Variants in MPHOSPH9 observed in about 807,000 individuals in gnomAD.
MPHOSPH9 encodes M-phase phosphoprotein 9.
Under a neutral mutation model 145.5 loss-of-function variants are expected in MPHOSPH9, and 88 were observed. The ratio of observed to expected loss-of-function variants is 0.60; its 90% CI spans 0.51 to 0.72. MPHOSPH9 has a LOEUF of 0.72. Ranked by LOEUF, MPHOSPH9 falls within the 30% of genes least tolerant of loss-of-function variation. MPHOSPH9 has a pLI of 0.00. For synonymous variants in MPHOSPH9, 435 were observed against 486.2 expected (o/e 0.89, Z 1.39); for missense variants, 1,238 against 1,386.6 (o/e 0.89, Z 1.70).
chr12:123,199,009 T>C (rs1399920821), intron 11 of MPHOSPH9, among the ~76,000 whole-genome samples: 1 of 151,798 alleles, frequency 6.6e-6, no homozygotes, highest in Non-Finnish European at 1.5e-5. Flanking sequence ...GATTTACTTT[T>C]TTCTTTCTTT....
At chr12:123,183,547 C>CAAAAAAAAA (rs746928699) in intron 13 of MPHOSPH9, among the ~76,000 whole-genome samples, 96 of 59,536 alleles carry the variant, frequency 1.6e-3, no homozygotes, top group Non-Finnish European at 2.2e-3. Flanking sequence ...GACTCTGTCT[C>CAAAAAAAAA]AAAAAAAAAA....
intron 13 of MPHOSPH9, among the ~76,000 whole-genome samples, chr12:123,184,590 C>T (rs1258809534): frequency 1.3e-5 from 2 of 150,572 alleles, no homozygotes; most frequent in East Asian, 2.0e-4. Context: ...CTCCGCCTCC[C>T]GGGTTCACGC....
chr12:123,202,637 C>G lies in MPHOSPH9; in HGVS notation c.1768G>C (p.Val590Leu). 2 of 1,613,210 alleles carry G rather than the reference C, an allele frequency of 1.2e-6. No homozygotes were observed. Among genetic ancestry groups the G allele is most frequent in the Non-Finnish European group, 1.7e-6 (2 of 1,179,294 alleles). The change falls in exon 10 of 24, where the codon GTG (valine) becomes CTG (leucine). Residue 590 changes from valine to leucine, a missense_variant. By Grantham distance (32) the Val-to-Leu change is conservative. This residue lies in a region of MPHOSPH9 where 837 missense variants were observed against 897.5 expected (regional missense o/e 0.93). Coordinates refer to ENST00000606320, the MANE Select transcript of MPHOSPH9 (RefSeq NM_022782.4). ...TGAAATACATACTTAGACAATATCACAGGATCTTCCAAGGAAGTCAATGAA... is the reference window on the plus strand; with the variant it reads ...TGAAATACATACTTAGACAATATCAGAGGATCTTCCAAGGAAGTCAATGAA... ...CISLTSLEDP[V>L]ILSKIRQNLK...
chr12:123,228,210 C>T (rs1444528876), intron 2 of MPHOSPH9, among the ~76,000 whole-genome samples: 2 of 152,056 alleles, frequency 1.3e-5, no homozygotes, highest in African/African-American at 4.8e-5. Context: ...TAAGTTATTT[C>T]GGATTTGTTT....
intron 17 of MPHOSPH9, chr12:123,166,322 G>A (rs182010846): frequency 7.4e-6 from 2 of 271,994 alleles, no homozygotes; most frequent in East Asian, 1.3e-4. Context: ...GCCCAAGCTG[G>A]TCTCGAACTC....
At chr12:123,194,743 T>C (rs1250531937) in intron 12 of MPHOSPH9, 142 bp from the exon 13 acceptor site, 1 of 572,312 alleles carries the variant, frequency 1.7e-6, no homozygotes, top group East Asian at 3.2e-5. Context: ...TGCCTCAGCC[T>C]CCCGAGAGCT....
intron 20 of MPHOSPH9, chr12:123,162,449 T>C (rs973172189): frequency 3.5e-6 from 1 of 288,688 alleles, no homozygotes; most frequent in African/African-American, 2.2e-5. Context: ...ATTTGATATT[T>C]ATAAAAACCT....
intron 2 of MPHOSPH9, among the ~76,000 whole-genome samples, chr12:123,229,546 T>G (rs544495159): frequency 1.3e-5 from 2 of 152,350 alleles, no homozygotes; most frequent in South Asian, 4.1e-4. Flanking sequence ...ATACTCAACT[T>G]TAACTGCTAC....
chr12:123,217,607 T>C (rs2047022276), intron 6 of MPHOSPH9, among the ~76,000 whole-genome samples: 1 of 152,208 alleles, frequency 6.6e-6, no homozygotes, highest in Non-Finnish European at 1.5e-5. Flanking sequence ...TGTAAACATT[T>C]GCAGTACAAA....
At chr12:123,227,012 G>C (rs1293832973) in intron 3 of MPHOSPH9, among the ~76,000 whole-genome samples, 2 of 152,130 alleles carry the variant, frequency 1.3e-5, no homozygotes, top group African/African-American at 4.8e-5. Context: ...CCACTGATCT[G>C]AAAACAATAT....
intron 13 of MPHOSPH9, among the ~76,000 whole-genome samples, chr12:123,184,196 A>T (rs529863669): frequency 1.3e-5 from 2 of 151,744 alleles, no homozygotes; most frequent in Non-Finnish European, 2.9e-5. Flanking sequence ...ACAAGGTGAG[A>T]CCTGTCTCTA....
At chr12:123,216,992 A>T (rs945107115) in intron 6 of MPHOSPH9, among the ~76,000 whole-genome samples, 2 of 149,070 alleles carry the variant, frequency 1.3e-5, no homozygotes, top group Non-Finnish European at 3.0e-5. Flanking sequence ...CCATGTCAAA[A>T]AAATAAATAA....
intron 8 of MPHOSPH9, among the ~76,000 whole-genome samples, chr12:123,204,905 A>G (rs1313414013): frequency 6.6e-6 from 1 of 152,158 alleles, no homozygotes; most frequent in Non-Finnish European, 1.5e-5. Context: ...ATAGGACCCT[A>G]ATTTCGAAAA....
intron 4 of MPHOSPH9, among the ~76,000 whole-genome samples, chr12:123,222,677 A>T (rs2047256037): frequency 1.3e-5 from 2 of 152,008 alleles, no homozygotes; most frequent in South Asian, 4.1e-4. Flanking sequence ...TGAAAATAAA[A>T]GTAAAAAAGG....
intron 1 of MPHOSPH9, chr12:123,240,726 CCTT>C (rs2047920918): frequency 9.0e-6 from 1 of 111,728 alleles, no homozygotes; most frequent in Non-Finnish European, 1.8e-5. Context: ...ATTTTATTGA[CCTT>C]TTTTTTTTTT....
chr12:123,219,748 C>G (rs1819388127), intron 5 of MPHOSPH9, among the ~76,000 whole-genome samples: 1 of 152,058 alleles, frequency 6.6e-6, no homozygotes, highest in South Asian at 2.1e-4. Flanking sequence ...TGACACAATT[C>G]AGGGACATGA....
At chr12:123,221,235 G>A (rs2047188032) in intron 5 of MPHOSPH9, 137 bp downstream of exon 5, 1 of 706,188 alleles carries the variant, frequency 1.4e-6, no homozygotes, top group Non-Finnish European at 2.3e-6. Context: ...AATATAGTGT[G>A]CTTTGTTTAT....
chr12:123,231,459 T>G (rs899668022), intron 1 of MPHOSPH9, among the ~76,000 whole-genome samples: 2 of 152,194 alleles, frequency 1.3e-5, no homozygotes, highest in Non-Finnish European at 2.9e-5. Context: ...AACCATAGCT[T>G]CCCCATTGTC....
intron 3 of MPHOSPH9, among the ~76,000 whole-genome samples, chr12:123,224,095 C>G (rs1218978695): frequency 1.5e-5 from 2 of 136,892 alleles, no homozygotes; most frequent in African/African-American, 5.6e-5. Flanking sequence ...TCACCATGTT[C>G]GGCTAATTGC....
Sources: gnomAD v4.1 joint callset for allele counts (sites outside exome capture counted in the v4.1 genomes callset) on GRCh38, gnomAD v4.1.1 for gene constraint, gnomAD v4.1.1 regional missense constraint, MANE v1.5 for transcripts, NCBI Gene and HGNC (gene_info 2026-07-23, HGNC 2026-07-21) for gene names.